Variants in RYR3 observed in about 807,000 individuals in gnomAD.
RYR3 encodes ryanodine receptor 3, also known as brain ryanodine receptor-calcium release channel.
RYR3 carries 207 observed loss-of-function variants against 584.3 expected under a neutral mutation model. That is an observed-to-expected ratio of 0.35 (90% CI 0.32 to 0.40). RYR3 has a LOEUF of 0.40. RYR3 is among the 10% of genes least tolerant of loss of function. The probability of loss-of-function intolerance (pLI) is 1.00; values close to 1 mark genes in which losing one functional copy is unlikely to be tolerated. For missense variants in RYR3, 5,616 were observed against 6,089.2 expected (o/e 0.92, Z 2.59); for synonymous variants, 2,416 against 2,248.5 (o/e 1.07, Z -2.11).
At chr15:33,486,239 A>C (rs1249648248) in intron 2 of RYR3, among the ~76,000 whole-genome samples, 2 of 152,186 alleles carry the variant, frequency 1.3e-5, no homozygotes, top group Non-Finnish European at 2.9e-5. Context: ...TGGAGGCTAG[A>C]ATTGGAAATC....
intron 43 of RYR3, among the ~76,000 whole-genome samples, chr15:33,708,547 T>C (rs559697489): frequency 1.3e-5 from 2 of 152,322 alleles, no homozygotes; most frequent in South Asian, 2.1e-4. Context: ...GGTTATTTTA[T>C]ATCTTTTCAA....
intron 48 of RYR3, 21 bp downstream of exon 48, chr15:33,731,715 G>T (rs375020218): frequency 6.6e-7 from 1 of 1,511,484 alleles, no homozygotes; most frequent in South Asian, 1.1e-5. Context: ...ATCCTATGTT[G>T]TTACTTCTGT....
intron 1 of RYR3, among the ~76,000 whole-genome samples, chr15:33,420,299 A>T (rs991113205): frequency 3.3e-5 from 5 of 152,218 alleles, no homozygotes; most frequent in Admixed American, 6.5e-5. Context: ...CAACCAACAG[A>T]AGAATCAGAA....
At chr15:33,679,162 G>GCCCCCCCA (rs2064402823) in intron 38 of RYR3, among the ~76,000 whole-genome samples, 1 of 94,906 alleles carries the variant, frequency 1.1e-5, no homozygotes, top group Admixed American at 9.5e-5. Context: ...CCTCCCCCCC[G>GCCCCCCCA]CCCCCTGTAA....
chr15:33,345,082 TTTTTC>T lies in RYR3; in HGVS notation c.51+34001_51+34005del, dbSNP rs199560011. On this transcript the variant is annotated intron_variant, in intron 1 of 103. Coordinates refer to ENST00000634891, the MANE Select transcript of RYR3 (RefSeq NM_001036.6). ...TTGTCTCGTTTCTAGTCCACTGCTT[TTTTTC>T]TTTTCTTTTCTTTTTCTTTTTTTTG... Among the ~76,000 whole-genome samples, 622 of 152,278 alleles carry T rather than the reference TTTTTC, an allele frequency of 4.1e-3. 3 individuals carry two copies. Among genetic ancestry groups the T allele is most frequent in the Admixed American group, 8.0e-3 (123 of 15,294 alleles).
intron 14 of RYR3, among the ~76,000 whole-genome samples, chr15:33,583,938 G>A (rs910028769): frequency 1.6e-4 from 24 of 152,148 alleles, no homozygotes; most frequent in Admixed American, 1.4e-3. Flanking sequence ...TGTAATCCCA[G>A]CTACTTGGGA....
intron 60 of RYR3, among the ~76,000 whole-genome samples, chr15:33,759,013 T>A (rs752239445): frequency 5.3e-5 from 8 of 152,036 alleles, no homozygotes; most frequent in Non-Finnish European, 8.8e-5. Flanking sequence ...GGGTCTGGAG[T>A]GGACCTCCAG....
At chr15:33,789,245 G>C (rs1023399341) in intron 67 of RYR3, among the ~76,000 whole-genome samples, 2 of 152,086 alleles carry the variant, frequency 1.3e-5, no homozygotes, top group Non-Finnish European at 2.9e-5. Context: ...GCCACTGTGA[G>C]GACTCTGACT....
chr15:33,626,088 C>T (rs1360197078), intron 20 of RYR3, among the ~76,000 whole-genome samples: 1 of 152,184 alleles, frequency 6.6e-6, no homozygotes, highest in Admixed American at 6.5e-5. Flanking sequence ...AGTGTGACTC[C>T]TGTCTGGGCT....
intron 34 of RYR3, among the ~76,000 whole-genome samples, chr15:33,660,958 GTA>G (rs1416747219): frequency 6.6e-6 from 1 of 152,188 alleles, no homozygotes; most frequent in Non-Finnish European, 1.5e-5. Flanking sequence ...GATTGTATAA[GTA>G]TAATCTGGTA....
intron 1 of RYR3, among the ~76,000 whole-genome samples, chr15:33,339,691 C>G (rs2140812088): frequency 6.6e-6 from 1 of 152,210 alleles, no homozygotes; most frequent in East Asian, 1.9e-4. Flanking sequence ...AGATCCAGAC[C>G]ATCCTGGCTA....
chr15:33,697,137 C>A (rs1024417557), intron 39 of RYR3, among the ~76,000 whole-genome samples: 1 of 152,048 alleles, frequency 6.6e-6, no homozygotes, highest in African/African-American at 2.4e-5. Context: ...AGACAACCTC[C>A]TACCTAACTT....
intron 58 of RYR3, 71 bp from the exon 59 acceptor site, chr15:33,756,235 G>A (rs2152859307): frequency 1.9e-6 from 2 of 1,040,604 alleles, no homozygotes; most frequent in Middle Eastern, 4.0e-4. Context: ...AAGCTGCTCT[G>A]TTTCTAAAAT....
chr15:33,460,600 G>T (rs937108552), intron 1 of RYR3, among the ~76,000 whole-genome samples: 3 of 152,212 alleles, frequency 2.0e-5, no homozygotes, highest in Non-Finnish European at 1.5e-5. Flanking sequence ...GCCTAGCACT[G>T]CATGGTGTGT....
At chr15:33,476,226 A>C (rs1180656324) in intron 2 of RYR3, among the ~76,000 whole-genome samples, 1 of 152,220 alleles carries the variant, frequency 6.6e-6, no homozygotes, top group Non-Finnish European at 1.5e-5. Context: ...GCTAGATTAG[A>C]AACAACAGTG....
chr15:33,603,019 C>A (rs907925048), intron 17 of RYR3, 104 bp from the exon 18 acceptor site: 1 of 1,216,112 alleles, frequency 8.2e-7, no homozygotes, highest in Non-Finnish European at 1.2e-6. Context: ...CAGCATTGCT[C>A]TTGTCCTACG....
intron 99 of RYR3, chr15:33,858,124 CCA>C: frequency 1.6e-6 from 1 of 638,416 alleles, no homozygotes; most frequent in Non-Finnish European, 2.6e-6. Context: ...GTTTTCATTA[CCA>C]CACATCTAAG....
chr15:33,775,472 T>C (rs2073936351), intron 64 of RYR3, among the ~76,000 whole-genome samples: 3 of 152,180 alleles, frequency 2.0e-5, no homozygotes, highest in Non-Finnish European at 2.9e-5. Flanking sequence ...GCCCTAGCAA[T>C]GTACCAACGC....
At position 33,505,653 on chromosome 15, in the gene RYR3, G is replaced by C. The variant is rs962153499; in HGVS notation, c.279+1915G>C. Among the ~76,000 whole-genome samples the C allele has an allele frequency of 3.3e-5, 5 of 152,024 alleles. No homozygotes were observed. The East Asian group carries it at 9.6e-4, about 29-fold the overall frequency. On this transcript the variant is annotated intron_variant, in intron 3 of 103. Transcript: ENST00000634891. ...ACTACAGGCGCCCGCCACCATGCCC[G>C]GCTAATTTTTTTGTATTTTTAGTAG... is the stretch of plus-strand genomic sequence containing the variant.
Sources: gnomAD v4.1 joint callset for allele counts (sites outside exome capture counted in the v4.1 genomes callset) on GRCh38, gnomAD v4.1.1 for gene constraint, MANE v1.5 for transcripts, NCBI Gene and HGNC (gene_info 2026-07-23, HGNC 2026-07-21) for gene names.